Variants in SHISA5 observed in about 807,000 individuals in gnomAD.
SHISA5 encodes the protein shisa family member 5.
SHISA5 carries 21 observed loss-of-function variants against 27.5 expected under a neutral mutation model. The ratio of observed to expected loss-of-function variants is 0.76; its 90% CI spans 0.54 to 1.10. The LOEUF (loss-of-function observed/expected upper bound fraction) is 1.10, where lower values mean the gene tolerates loss of function less well. Ranked by LOEUF, SHISA5 falls within the 50% of genes least tolerant of loss-of-function variation. The probability of loss-of-function intolerance (pLI) is 0.00; values close to 1 mark genes in which losing one functional copy is unlikely to be tolerated. For missense variants in SHISA5, 314 were observed against 336.3 expected (o/e 0.93, Z 0.52); for synonymous variants, 137 against 142.2 (o/e 0.96, Z 0.26).
Position 48,471,275 on chromosome 3 carries a change from A to G in SHISA5, c.315-1432T>C, listed in dbSNP as rs73076334. 2.5e-3 allele frequency among the ~76,000 whole-genome samples: 387 copies of G among 152,118 alleles called. 1 individual carries two copies. Among genetic ancestry groups the G allele is most frequent in the Non-Finnish European group, 4.2e-3 (285 of 67,986 alleles). ...GCAATCTTCCCTCCTCGGCCTCTCAAAGTGCTGAGATTAAAACTGTCTCGT... is the reference window on the plus strand; with the variant it reads ...GCAATCTTCCCTCCTCGGCCTCTCAGAGTGCTGAGATTAAAACTGTCTCGT... On this transcript the variant is annotated intron_variant, in intron 3 of 5. Coordinates refer to ENST00000296444, the MANE Select transcript of SHISA5 (RefSeq NM_016479.6).
chr3:48,482,330 A>C (rs2107329385), intron 2 of SHISA5, among the ~76,000 whole-genome samples: 1 of 148,776 alleles, frequency 6.7e-6, no homozygotes, highest in East Asian at 2.1e-4. Context: ...ACTTGAGCCC[A>C]GGAGTTCCAG....
chr3:48,485,504 AAAATATATATTTTTATATATATATT>A (rs2041174768), intron 2 of SHISA5, among the ~76,000 whole-genome samples: 1 of 142,468 alleles, frequency 7.0e-6, no homozygotes, highest in Non-Finnish European at 1.5e-5. Context: ...TCCATCTCAA[AAAATATATATTTTTATATATATATT>A]AAATATATAT....
chr3:48,479,178 C>T lies in SHISA5; in HGVS notation c.313G>A (p.Gly105Arg). ...ACCCAGCCAGCAGGCTTTACTTACC[C>T]TGACATGGGGTCGTTGTAGCCAGGG... Reference protein sequence around the residue: ...FRPGYNDPMSGFGATLAVGLT... With the variant: ...FRPGYNDPMSRFGATLAVGLT... The change falls in exon 3 of 6, where the codon GGG becomes AGG. Residue 105 changes from glycine to arginine, a missense_variant and splice_region_variant. Coordinates refer to ENST00000296444, the MANE Select transcript of SHISA5 (RefSeq NM_016479.6). 6.2e-7 allele frequency: 1 copy of T among 1,607,876 alleles called. No homozygotes were observed. Among genetic ancestry groups the T allele is most frequent in the Non-Finnish European group, 8.5e-7 (1 of 1,177,816 alleles).
chr3:48,471,445 C>A (rs569313042), intron 3 of SHISA5, among the ~76,000 whole-genome samples: 110 of 151,074 alleles, frequency 7.3e-4, no homozygotes, highest in African/African-American at 2.5e-3. Context: ...GTCCCAACTA[C>A]TCAGGAGGCT....
chr3:48,497,036 C>G (rs2041574832), intron 2 of SHISA5, among the ~76,000 whole-genome samples: 2 of 151,648 alleles, frequency 1.3e-5, no homozygotes, highest in South Asian at 4.2e-4. Flanking sequence ...TTGAGACCAG[C>G]CTGGGTAATC....
rs186838287 is a variant in SHISA5 at position 48,481,312 on chromosome 3, C to T, written c.234-2055G>A. Among the ~76,000 whole-genome samples the T allele has an allele frequency of 3.5e-3, 531 of 151,600 alleles. 2 individuals are homozygous for T. Among genetic ancestry groups the T allele is most frequent in the African/African-American group, 0.012 (487 of 41,310 alleles). Reference sequence around the variant, plus strand: ...AAAATTAGCTGGGTGTGGTGGCAGGCGCCTGTAATCCCAGCTACTCGGGAG... The same window carrying T: ...AAAATTAGCTGGGTGTGGTGGCAGGTGCCTGTAATCCCAGCTACTCGGGAG... On this transcript the variant is annotated intron_variant, in intron 2 of 5. Coordinates refer to ENST00000296444, the MANE Select transcript of SHISA5 (RefSeq NM_016479.6).
In SHISA5 at chr3:48,469,907, C is replaced by T; in HGVS notation, c.315-64G>A. 1 of 1,564,806 alleles carries T rather than the reference C, an allele frequency of 6.4e-7. No individual in the cohort carries two copies. Among genetic ancestry groups the T allele is most frequent in the Admixed American group, 1.9e-5 (1 of 52,388 alleles). ...CTCCCCAGACCAGCATCCACACCTT[C>T]CCAAGGCATGCCCCTCTTGCCAGAA... On this transcript the variant is annotated intron_variant, in intron 3 of 5. Coordinates refer to ENST00000296444, the MANE Select transcript of SHISA5 (RefSeq NM_016479.6). The surrounding 1 kb of genome is among the most constrained non-coding windows in gnomAD (Gnocchi z 4.6).
chr3:48,488,599 C>T (rs1272815860), intron 2 of SHISA5, among the ~76,000 whole-genome samples: 3 of 149,592 alleles, frequency 2.0e-5, no homozygotes, highest in African/African-American at 7.3e-5. Context: ...TTTGGGAGGC[C>T]AAGGCGGGCA....
chr3:48,491,140 A>G (rs2041410697), intron 2 of SHISA5, among the ~76,000 whole-genome samples: 2 of 115,466 alleles, frequency 1.7e-5, no homozygotes, highest in African/African-American at 6.7e-5. Flanking sequence ...TTTTTTTGAG[A>G]TGGAGTCTCG....
rs1035094986 is a variant in SHISA5, at chr3:48,467,883, G to A, written c.*1224C>T. ...AAGAAAGGGGGCAGCAGCTCCAAAC[G>A]ATTGCATTTATTATAAACAAGTGTA... On this transcript the variant is annotated 3_prime_UTR_variant, in exon 6 of 6. Transcript: ENST00000296444. 8 of 519,882 alleles carry A rather than the reference G, an allele frequency of 1.5e-5. No individual in the cohort carries two copies. The highest frequency in any genetic ancestry group is 5.2e-4 in the Middle Eastern group (1 of 1,922). The allele number at this position is 519,882 out of a possible 1,614,324, so 32.2% of individuals were successfully genotyped here.
At chr3:48,471,739 A>T (rs1053221786) in intron 3 of SHISA5, among the ~76,000 whole-genome samples, 6 of 151,696 alleles carry the variant, frequency 4.0e-5, no homozygotes, top group African/African-American at 1.5e-4. Context: ...TTAGCCGGAC[A>T]TGATGGTGGG....
chr3:48,473,222 C>CAGCCAAGG lies in SHISA5; in HGVS notation c.315-3387_315-3380dup. On this transcript the variant is annotated intron_variant, in intron 3 of 5. Coordinates refer to ENST00000296444, the MANE Select transcript of SHISA5 (RefSeq NM_016479.6). The surrounding 1 kb of genome is among the most constrained non-coding windows in gnomAD (Gnocchi z 4.3). ...ATGGCCCCGCCCAGCAGCCGGCTAG[C>CAGCCAAGG]AGCCAAGGAGCCAAGGGGCGGGGGC... 7.0e-7 allele frequency: 1 copy of CAGCCAAGG among 1,427,010 alleles called. No homozygotes were observed. Among genetic ancestry groups the CAGCCAAGG allele is most frequent in the Non-Finnish European group, 9.1e-7 (1 of 1,094,108 alleles). The allele number at this position is 1,427,010 out of a possible 1,614,324, so 88.4% of individuals were successfully genotyped here.
Position 48,492,734 on chromosome 3 carries a change from A to G in SHISA5, c.233+8403T>C, listed in dbSNP as rs2041470217. ...ATCCTGGGCTTATAAACCACAGGGA[A>G]TTGGTCTAAGGGCAGGATTTATGGT... On this transcript the variant is annotated intron_variant, in intron 2 of 5. Coordinates refer to ENST00000296444, the MANE Select transcript of SHISA5 (RefSeq NM_016479.6). Among the ~76,000 whole-genome samples the G allele has an allele frequency of 2.0e-5, 3 of 147,820 alleles. No homozygotes were observed. In the South Asian group the frequency reaches 6.3e-4, roughly 31 times the overall value.
At chr3:48,500,143 C>A (rs1487477978) in intron 2 of SHISA5, among the ~76,000 whole-genome samples, 2 of 152,170 alleles carry the variant, frequency 1.3e-5, no homozygotes, top group African/African-American at 4.8e-5. Context: ...TGGATTCACA[C>A]CATTCAGAGG....
chr3:48,472,746 A>G (rs1393933459), intron 3 of SHISA5, among the ~76,000 whole-genome samples: 4 of 151,810 alleles, frequency 2.6e-5, no homozygotes, highest in Non-Finnish European at 5.9e-5. Context: ...CAGCCCAGGG[A>G]CAGAGCTAAA....
At chr3:48,500,922 C>A (rs898616561) in intron 2 of SHISA5, among the ~76,000 whole-genome samples, 5 of 152,142 alleles carry the variant, frequency 3.3e-5, no homozygotes, top group African/African-American at 9.7e-5. Flanking sequence ...CAAGCTGGAG[C>A]CCTCAGGGTA....
chr3:48,503,734 G>A (rs2041820805), intron 1 of SHISA5: 1 of 1,214,940 alleles, frequency 8.2e-7, no homozygotes. Context: ...AGCCTCTGGG[G>A]ACTCCATCCC....
chr3:48,478,181 G>A (rs750359274), intron 3 of SHISA5, among the ~76,000 whole-genome samples: 5 of 152,200 alleles, frequency 3.3e-5, no homozygotes, highest in East Asian at 3.9e-4. Context: ...GCTCCTGGAC[G>A]TGGAGGGGAA....
At chr3:48,481,032 C>T (rs922178313) in intron 2 of SHISA5, among the ~76,000 whole-genome samples, 11 of 151,618 alleles carry the variant, frequency 7.3e-5, no homozygotes, top group African/African-American at 1.5e-4. Flanking sequence ...GTGGTGCAGG[C>T]GGCAGTGAGC....
Sources: gnomAD v4.1 joint callset for allele counts (sites outside exome capture counted in the v4.1 genomes callset) on GRCh38, gnomAD v4.1.1 for gene constraint, Gnocchi (gnomAD v3.1) non-coding constraint, MANE v1.5 for transcripts, NCBI Gene and HGNC (gene_info 2026-07-23, HGNC 2026-07-21) for gene names.